The following STS variants were observed in gnomAD, a reference collection of about 807,000 sequenced individuals.
The protein encoded by STS is steryl-sulfatase.
In STS, 7 loss-of-function variants were observed where a neutral mutation model predicts 26.8. The ratio of observed to expected loss-of-function variants is 0.26; its 90% CI spans 0.15 to 0.49. STS has a LOEUF of 0.49. STS is among the 20% of genes least tolerant of loss of function. The pLI, the probability that STS is intolerant of heterozygous loss-of-function variation, is 0.98. For missense variants in STS, 434 were observed against 465.6 expected (o/e 0.93, Z 0.63); for synonymous variants, 199 against 189.4 (o/e 1.05, Z -0.42).
chrX:7,150,646 A>G (rs1356756855), intron 1 of STS, among the ~76,000 whole-genome samples: 1 of 112,148 alleles, frequency 8.9e-6, no homozygotes, highest in African/African-American at 3.2e-5. Context: ...CACAGATGTG[A>G]AAACATGCTT....
At chrX:7,166,764 G>A (rs1168043819) in intron 1 of STS, among the ~76,000 whole-genome samples, 1 of 111,423 alleles carries the variant, frequency 9.0e-6, no homozygotes, top group Non-Finnish European at 1.9e-5. Context: ...GCATATGTGG[G>A]AAGTTCATAG....
chrX:7,336,239 G>GCCCCCC (rs778077403), intron 10 of STS, among the ~76,000 whole-genome samples: 2 of 88,728 alleles, frequency 2.3e-5, no homozygotes, highest in African/African-American at 4.2e-5. Context: ...ACCTAGGACT[G>GCCCCCC]CCCCCCCCAC....
rs994557745 is a variant in STS, at chrX:7,333,905, C to T, written c.1242-81C>T. On this transcript the variant is annotated intron_variant, in intron 9 of 10. Transcript: ENST00000674429. ...TTGTATTAATTACGACTGGAGCTCC[C>T]TCATGCTCTTATTGGTTCAGAAGGA... 4.2e-6 allele frequency: 5 copies of T among 1,189,709 alleles called. No individual in the cohort carries two copies. The African/African-American group carries it at 5.3e-5, about 13-fold the overall frequency.
At chrX:7,320,070 A>ATATTATATATATTTATATG (rs1462506394) in intron 8 of STS, among the ~76,000 whole-genome samples, 5 of 90,034 alleles carry the variant, frequency 5.6e-5, no homozygotes, top group African/African-American at 2.0e-4. Context: ...TATATTTTAT[A>ATATTATATATATTTATATG]TATATTTTAT....
intron 2 of STS, among the ~76,000 whole-genome samples, chrX:7,227,779 G>A (rs1287860456): frequency 2.7e-5 from 3 of 111,599 alleles, no homozygotes; most frequent in Non-Finnish European, 3.8e-5. Flanking sequence ...ATACAGTATT[G>A]TCGACTGCTG....
At chrX:7,205,366 G>A (rs1934191393) in intron 2 of STS, among the ~76,000 whole-genome samples, 1 of 111,801 alleles carries the variant, frequency 8.9e-6, no homozygotes, top group Non-Finnish European at 1.9e-5. Context: ...GTTCTTTGGG[G>A]ATATTACATG....
Position 7,334,475 on chromosome X carries a change from C to CCCTGTG in STS, c.1363+370_1363+375dup, listed in dbSNP as rs1418827227. Among the ~76,000 whole-genome samples the CCCTGTG allele has an allele frequency of 2.7e-5, 3 of 111,788 alleles. No individual in the cohort carries two copies. The East Asian group carries it at 8.5e-4, about 32-fold the overall frequency. ...CTCCTCTCACACTGAAGAAAGCAGC[C>CCCTGTG]CCTGTGCTCTGTGCATTGCTGTGCT... On this transcript the variant is annotated intron_variant, in intron 10 of 10. Transcript: ENST00000674429.
intron 7 of STS, among the ~76,000 whole-genome samples, chrX:7,286,700 G>A (rs755491269): frequency 3.6e-5 from 4 of 111,559 alleles, no homozygotes; most frequent in African/African-American, 9.8e-5. Flanking sequence ...CTCTTTCCAC[G>A]ATTGCCAAAC....
At chrX:7,184,448 A>C (rs183581268) in intron 1 of STS, among the ~76,000 whole-genome samples, 5 of 112,443 alleles carry the variant, frequency 4.4e-5, no homozygotes, top group Admixed American at 9.5e-5. Context: ...CCAATTAAAA[A>C]TTTACTCCTG....
chrX:7,179,391 G>C (rs1933639566), intron 1 of STS, among the ~76,000 whole-genome samples: 1 of 109,821 alleles, frequency 9.1e-6, no homozygotes, highest in Non-Finnish European at 1.9e-5. Flanking sequence ...AGCTCTCTCT[G>C]TCCTTCTCAT....
chrX:7,201,012 A>C (rs1934061060), intron 2 of STS, among the ~76,000 whole-genome samples: 1 of 111,259 alleles, frequency 9.0e-6, no homozygotes, highest in Non-Finnish European at 1.9e-5. Flanking sequence ...TAGATAAATG[A>C]TAGATCGATG....
intron 1 of STS, among the ~76,000 whole-genome samples, chrX:7,159,693 A>G (rs1395691998): frequency 8.9e-6 from 1 of 112,291 alleles, no homozygotes; most frequent in Non-Finnish European, 1.9e-5. Context: ...TTAAGTATTC[A>G]GGGCTGGCAC....
intron 2 of STS, among the ~76,000 whole-genome samples, chrX:7,223,743 A>G (rs1308125831): frequency 1.8e-5 from 2 of 111,529 alleles, no homozygotes; most frequent in Admixed American, 9.6e-5. Flanking sequence ...TTTGCTGTGC[A>G]GAAGCTTTTT....
At chrX:7,268,691 C>G (rs1924124470) in intron 6 of STS, among the ~76,000 whole-genome samples, 1 of 111,587 alleles carries the variant, frequency 9.0e-6, no homozygotes, top group South Asian at 3.8e-4. Context: ...TTGTTTCTAA[C>G]TTTTGTGGGC....
intron 2 of STS, chrX:7,219,385 T>G: frequency 9.9e-7 from 1 of 1,015,210 alleles, no homozygotes; most frequent in Non-Finnish European, 1.3e-6. Context: ...TTTACCAGGA[T>G]CACCTGAAAC....
intron 1 of STS, among the ~76,000 whole-genome samples, chrX:7,186,363 C>G (rs1428219037): frequency 8.9e-6 from 1 of 111,902 alleles, no homozygotes; most frequent in Non-Finnish European, 1.9e-5. Flanking sequence ...CTGGGCTGAT[C>G]TGGATGATAG....
intron 8 of STS, among the ~76,000 whole-genome samples, chrX:7,312,377 C>G (rs752417210): frequency 3.6e-5 from 4 of 111,995 alleles, no homozygotes; most frequent in Non-Finnish European, 7.5e-5. Flanking sequence ...TAGTCCTTCT[C>G]CCATGGAAGC....
chrX:7,264,619 C>T (rs1923914183), intron 6 of STS, among the ~76,000 whole-genome samples: 1 of 112,147 alleles, frequency 8.9e-6, no homozygotes, highest in Non-Finnish European at 1.9e-5. Flanking sequence ...TAAGGAAAAC[C>T]CCAGAGGTGC....
rs1569224394 is a variant in STS, at chrX:7,320,013, T to TTTATATA, written c.1082-5324_1082-5318dup. 1.3e-3 allele frequency among the ~76,000 whole-genome samples: 118 copies of TTTATATA among 90,527 alleles called. 2 individuals are homozygous for TTTATATA. Among genetic ancestry groups the TTTATATA allele is most frequent in the African/African-American group, 4.5e-3 (110 of 24,226 alleles). 78.6% of individuals were successfully genotyped at this position (90,527 alleles called of 115,157 possible). ...TTATATATATATTTTTATATATATATTTATATATATTTATATATATATTTA... is the reference window on the plus strand; with the variant it reads ...TTATATATATATTTTTATATATATATTTATATATTATATATATTTATATATATATTTA... On this transcript the variant is annotated intron_variant, in intron 8 of 10. Transcript: ENST00000674429.
Sources: gnomAD v4.1 joint callset for allele counts (sites outside exome capture counted in the v4.1 genomes callset) on GRCh38, gnomAD v4.1.1 for gene constraint, MANE v1.5 for transcripts, NCBI Gene and HGNC (gene_info 2026-07-23, HGNC 2026-07-21) for gene names.